Variants in CDH13 observed in about 807,000 individuals in gnomAD.
The protein encoded by CDH13 is cadherin 13, also known as cadherin-13.
CDH13 carries 24 observed loss-of-function variants against 63.8 expected under a neutral mutation model. The ratio of observed to expected loss-of-function variants is 0.38; its 90% CI spans 0.27 to 0.53. The LOEUF (loss-of-function observed/expected upper bound fraction) is 0.53, where lower values mean the gene tolerates loss of function less well. Among genes scored for constraint, CDH13 ranks in the 20% least tolerant of loss-of-function variants. The pLI is 0.85. For missense variants in CDH13, 1,049 were observed against 903.1 expected (o/e 1.16, Z -2.07); for synonymous variants, 503 against 355.3 (o/e 1.42, Z -4.67).
At chr16:82,982,706 C>A (rs747389588) in intron 2 of CDH13, among the ~76,000 whole-genome samples, 4 of 152,152 alleles carry the variant, frequency 2.6e-5, no homozygotes, top group African/African-American at 9.7e-5. Flanking sequence ...AGGTCGTCTC[C>A]CTGTGGCTGC....
At chr16:83,688,453 T>G (rs1904527898) in intron 10 of CDH13, among the ~76,000 whole-genome samples, 2 of 152,192 alleles carry the variant, frequency 1.3e-5, no homozygotes, top group South Asian at 2.1e-4. Context: ...ACTCCCACCT[T>G]TTAAATTTTA....
chr16:82,650,832 T>C (rs1313977450), intron 1 of CDH13, among the ~76,000 whole-genome samples: 2 of 152,208 alleles, frequency 1.3e-5, no homozygotes, highest in Non-Finnish European at 2.9e-5. Context: ...CCTGGCAGCA[T>C]AGGTATCCTC....
intron 3 of CDH13, among the ~76,000 whole-genome samples, chr16:83,060,634 C>T (rs896146199): frequency 6.6e-6 from 1 of 152,210 alleles, no homozygotes; most frequent in Non-Finnish European, 1.5e-5. Context: ...AAAAGTTGAG[C>T]TCAGATCTGA....
At position 83,621,648 on chromosome 16, in the gene CDH13, G is replaced by T. The variant is rs1051770478; in HGVS notation, c.1101+19054G>T. 4.0e-5 allele frequency among the ~76,000 whole-genome samples: 6 copies of T among 151,376 alleles called. 1 individual carries two copies. Among genetic ancestry groups the T allele is most frequent in the African/African-American group, 1.5e-4 (6 of 41,160 alleles). The stretch of plus-strand genomic sequence containing the variant: ...ATTACAGGCATGTGCCACCATACCC[G>T]GCTAATTTTTGTATTTTTAGTAGAG... On this transcript the variant is annotated intron_variant, in intron 8 of 13. Transcript: ENST00000567109.
chr16:83,645,540 C>T (rs1220537649), intron 8 of CDH13, among the ~76,000 whole-genome samples: 1 of 25,148 alleles, frequency 4.0e-5, no homozygotes, highest in Non-Finnish European at 9.9e-5. Flanking sequence ...CACACATGCC[C>T]CCCCCCAATC....
intron 6 of CDH13, among the ~76,000 whole-genome samples, chr16:83,401,070 G>C (rs1397854807): frequency 1.3e-5 from 2 of 152,172 alleles, no homozygotes; most frequent in Admixed American, 1.3e-4. Flanking sequence ...GCCAAATGCA[G>C]TGGCTCACAC....
intron 5 of CDH13, among the ~76,000 whole-genome samples, chr16:83,304,393 G>T (rs2089825788): frequency 6.6e-6 from 1 of 152,174 alleles, no homozygotes; most frequent in Non-Finnish European, 1.5e-5. Context: ...AGCTGGTTAA[G>T]TGGGTGGGTT....
At chr16:83,395,747 C>T (rs1414806337) in intron 6 of CDH13, among the ~76,000 whole-genome samples, 1 of 152,174 alleles carries the variant, frequency 6.6e-6, no homozygotes. Flanking sequence ...AACCTGAATT[C>T]TAATTAATTT....
At chr16:83,588,895 C>A (rs896518483) in intron 7 of CDH13, among the ~76,000 whole-genome samples, 1 of 152,206 alleles carries the variant, frequency 6.6e-6, no homozygotes, top group South Asian at 2.1e-4. Flanking sequence ...AGCCAGGAGG[C>A]TGCTGGGCGT....
intron 10 of CDH13, chr16:83,725,758 T>A (rs1910311640): frequency 6.6e-6 from 1 of 152,236 alleles, no homozygotes; most frequent in Non-Finnish European, 1.5e-5. Context: ...CAAGTTGTGC[T>A]CATTTATAAC....
chr16:82,965,421 T>C (rs534361350), intron 2 of CDH13, among the ~76,000 whole-genome samples: 3 of 152,390 alleles, frequency 2.0e-5, no homozygotes, highest in South Asian at 4.1e-4. Context: ...ATTTAATCTT[T>C]GGATGAGACT....
At chr16:83,530,298 T>C (rs1466212659) in intron 7 of CDH13, among the ~76,000 whole-genome samples, 2 of 152,218 alleles carry the variant, frequency 1.3e-5, no homozygotes, top group Non-Finnish European at 2.9e-5. Context: ...TAGGTCTCCA[T>C]AGCTTGAATT....
chr16:83,236,954 C>A (rs1204615583), intron 5 of CDH13, among the ~76,000 whole-genome samples: 2 of 151,950 alleles, frequency 1.3e-5, no homozygotes, highest in African/African-American at 2.4e-5. Context: ...ATGTGAGTTT[C>A]ACCTCATTTT....
intron 1 of CDH13, among the ~76,000 whole-genome samples, chr16:82,654,570 T>G (rs1911086480): frequency 6.6e-6 from 1 of 152,132 alleles, no homozygotes; most frequent in South Asian, 2.1e-4. Flanking sequence ...CAAATAATCC[T>G]GATTGACTGA....
intron 3 of CDH13, among the ~76,000 whole-genome samples, chr16:83,096,303 A>C (rs2034189141): frequency 6.6e-6 from 1 of 152,236 alleles, no homozygotes; most frequent in Admixed American, 6.5e-5. Flanking sequence ...AGAGCAGCCC[A>C]GAAACCAAAT....
At chr16:83,335,737 C>T (rs543649784) in intron 5 of CDH13, among the ~76,000 whole-genome samples, 1 of 152,236 alleles carries the variant, frequency 6.6e-6, no homozygotes, top group Admixed American at 6.5e-5. Flanking sequence ...AAATCCCTAT[C>T]CTGTTTTGTT....
intron 3 of CDH13, among the ~76,000 whole-genome samples, chr16:83,116,580 A>T (rs2035307245): frequency 6.6e-6 from 1 of 152,232 alleles, no homozygotes; most frequent in Non-Finnish European, 1.5e-5. Flanking sequence ...TCTGTTCATG[A>T]AATGTCCAGA....
intron 7 of CDH13, among the ~76,000 whole-genome samples, chr16:83,556,833 CA>C (rs1856515465): frequency 6.6e-6 from 1 of 152,242 alleles, no homozygotes; most frequent in South Asian, 2.1e-4. Flanking sequence ...CAGCTGATGC[CA>C]GGGAACTTTA....
intron 5 of CDH13, among the ~76,000 whole-genome samples, chr16:83,341,781 C>G (rs566648147): frequency 6.6e-6 from 1 of 152,120 alleles, no homozygotes; most frequent in Non-Finnish European, 1.5e-5. Flanking sequence ...TGATCTTATA[C>G]CATTCCCCAC....
Sources: gnomAD v4.1 joint callset for allele counts (sites outside exome capture counted in the v4.1 genomes callset) on GRCh38, gnomAD v4.1.1 for gene constraint, MANE v1.5 for transcripts, NCBI Gene and HGNC (gene_info 2026-07-23, HGNC 2026-07-21) for gene names.